SLC30A9: variants seen among roughly 807,000 people sequenced by gnomAD.
SLC30A9 encodes solute carrier family 30 member 9, also known as proton-coupled zinc antiporter SLC30A9, mitochondrial.
SLC30A9 carries 58 observed loss-of-function variants against 87.5 expected under a neutral mutation model. The ratio of observed to expected loss-of-function variants is 0.66; its 90% confidence interval spans 0.54 to 0.82. The LOEUF is 0.82. Ranked by LOEUF, SLC30A9 falls within the 40% of genes least tolerant of loss-of-function variation. The pLI is 0.00. For synonymous variants in SLC30A9, 234 were observed against 233.0 expected, an observed-to-expected ratio of 1.00 and a Z score of -0.04; for missense variants, 557 against 679.1, an observed-to-expected ratio of 0.82 and a Z score of 2.00.
intron 9 of SLC30A9, among the ~76,000 whole-genome samples, chr4:42,054,817 T>C (rs1717536953): frequency 6.6e-6 from 1 of 152,014 alleles, no homozygotes. Flanking sequence ...TAGTATCGAT[T>C]TTTAAAAGTC....
intron 9 of SLC30A9, among the ~76,000 whole-genome samples, chr4:42,057,335 A>G (rs551652780): frequency 2.0e-5 from 3 of 152,340 alleles, no homozygotes; most frequent in Non-Finnish European, 4.4e-5. Context: ...CTGGGCATCC[A>G]GGTGTTTCCC....
intron 2 of SLC30A9, among the ~76,000 whole-genome samples, chr4:42,010,533 A>G (rs1201131439): frequency 5.9e-5 from 9 of 152,196 alleles, no homozygotes; most frequent in South Asian, 4.1e-4. Context: ...TCATTTTCCT[A>G]GTGGTTTTCA....
chr4:42,037,239 C>CTTTTTTTTTTTTTTTTTTTT (rs536795831), intron 7 of SLC30A9, among the ~76,000 whole-genome samples: 2 of 91,220 alleles, frequency 2.2e-5, no homozygotes, highest in African/African-American at 3.7e-5. Flanking sequence ...TAAATGCCTT[C>CTTTTTTTTTTTTTTTTTTTT]TTTTTTTTTT....
intron 8 of SLC30A9, among the ~76,000 whole-genome samples, chr4:42,045,197 G>T (rs1301436345): frequency 6.6e-6 from 1 of 152,032 alleles, no homozygotes; most frequent in African/African-American, 2.4e-5. Flanking sequence ...CAGAAGACAA[G>T]AAATAACTAA....
chr4:42,035,778 G>GAGCCACCGTT (rs56073898), intron 7 of SLC30A9, among the ~76,000 whole-genome samples: 72 of 151,906 alleles, frequency 4.7e-4, no homozygotes, highest in Admixed American at 2.8e-3. Flanking sequence ...TTACAAGCGT[G>GAGCCACCGTT]CCCGGCCTGA....
chr4:42,050,586 G>T (rs1717344523), intron 9 of SLC30A9, among the ~76,000 whole-genome samples: 1 of 152,170 alleles, frequency 6.6e-6, no homozygotes, highest in Non-Finnish European at 1.5e-5. Context: ...AGATATCTGT[G>T]TACTGACCTG....
At position 42,063,145 on chromosome 4, in the gene SLC30A9, G is replaced by A. The variant is rs113010395; in HGVS notation, c.1032+24G>A. On this transcript the variant is annotated intron_variant, in intron 11 of 17. Transcript: ENST00000264451. ...GGGTAATCCTCTTTTTTTCTCCTCA[G>A]TTTTGATGTCTTATGACATAGTGAT... 352 of 1,609,370 alleles carry A rather than the reference G, an allele frequency of 2.2e-4. 1 individual carries two copies. In the African/African-American group the frequency reaches 4.2e-3, roughly 19 times the overall value.
chr4:41,992,573 A>C (rs1714499403), intron 1 of SLC30A9, among the ~76,000 whole-genome samples: 2 of 152,208 alleles, frequency 1.3e-5, no homozygotes, highest in African/African-American at 4.8e-5. Context: ...CATTATGTTG[A>C]AAATTATGTA....
In SLC30A9 at chr4:42,067,094, G is replaced by A. The variant is rs1718109280; in HGVS notation, c.1154G>A (p.Ser385Asn). 2 of 1,607,806 alleles carry A rather than the reference G, an allele frequency of 1.2e-6. No individual in the cohort carries two copies. The highest frequency in any genetic ancestry group is 1.7e-5 in the Admixed American group (1 of 59,914). Reference sequence around the variant, plus strand: ...CTTCCCCAATGACTAGTAATGGAAAGTCGTGATCCTAGTACAAATGTGATA... The same window carrying A: ...CTTCCCCAATGACTAGTAATGGAAAATCGTGATCCTAGTACAAATGTGATA... ...GMSFYKYVMESRDPSTNVILL... is the reference protein window; with the variant it reads ...GMSFYKYVMENRDPSTNVILL... The change falls in exon 14 of 18, where the codon AGT (serine) becomes AAT (asparagine). Residue 385 changes from serine (S) to asparagine (N), a missense_variant. Ser to Asn is a conservative substitution (Grantham distance 46). Around this residue, in one of 2 missense-constraint regions of SLC30A9, gnomAD observed 467 missense variants for 529.8 expected, o/e 0.88. Coordinates refer to ENST00000264451, the MANE Select transcript of SLC30A9 (RefSeq NM_006345.4).
intron 8 of SLC30A9, among the ~76,000 whole-genome samples, chr4:42,039,503 G>A (rs1322949531): frequency 2.8e-5 from 4 of 144,928 alleles, no homozygotes; most frequent in East Asian, 4.0e-4. Flanking sequence ...TTGCTCTGTC[G>A]CCAGGCTGGA....
Position 42,049,449 on chromosome 4 carries a change from T to C in SLC30A9, c.810T>C (p.Ala270=). 6.2e-7 allele frequency: 1 copy of C among 1,605,458 alleles called. No individual in the cohort carries two copies. The highest frequency in any genetic ancestry group is 8.5e-7 in the Non-Finnish European group (1 of 1,174,314). ...GTTCAGCAAGTATGTTCTCAGAAGC[T>C]ATACACTCATTATCTGATACTTGTA... ...YTGSASMFSE[A]IHSLSDTCNQ... is the part of the protein sequence containing the mutation. The change falls in exon 9 of 18, where the codon GCT becomes GCC. Residue 270 remains alanine, a synonymous_variant. Transcript: ENST00000264451.
intron 1 of SLC30A9, among the ~76,000 whole-genome samples, chr4:41,994,193 A>T (rs1467350908): frequency 6.6e-6 from 1 of 152,062 alleles, no homozygotes; most frequent in African/African-American, 2.4e-5. Flanking sequence ...AAGAATAGTG[A>T]CATGGAAAAT....
At chr4:42,023,450 A>T (rs1716059554) in intron 6 of SLC30A9, 66 bp downstream of exon 6, 2 of 1,045,706 alleles carry the variant, frequency 1.9e-6, no homozygotes, top group Non-Finnish European at 3.0e-6. Flanking sequence ...CTGTATCTGT[A>T]AGAACTCTCT....
At chr4:41,993,972 CA>C (rs1714575099) in intron 1 of SLC30A9, among the ~76,000 whole-genome samples, 1 of 152,090 alleles carries the variant, frequency 6.6e-6, no homozygotes, top group Non-Finnish European at 1.5e-5. Flanking sequence ...GCCTGGCCAA[CA>C]TGGTGAAACC....
At chr4:42,067,219 T>C in intron 14 of SLC30A9, 27 bp downstream of exon 14, 1 of 1,317,848 alleles carries the variant, frequency 7.6e-7, no homozygotes, top group Non-Finnish European at 1.1e-6. Context: ...TTACAGGTGA[T>C]TTATTTGTCC....
At chr4:42,022,297 G>A (rs149070849) in intron 4 of SLC30A9, among the ~76,000 whole-genome samples, 106 of 136,258 alleles carry the variant, frequency 7.8e-4, no homozygotes, top group Middle Eastern at 4.5e-3. Flanking sequence ...GCGTGATCTT[G>A]GCTCACTGTA....
chr4:41,996,289 T>A (rs1714702273), intron 1 of SLC30A9, among the ~76,000 whole-genome samples: 1 of 150,980 alleles, frequency 6.6e-6, no homozygotes, highest in African/African-American at 2.4e-5. Flanking sequence ...AGAGATGGGG[T>A]TTTTCCATGT....
chr4:42,017,925 A>C (rs1285759029), intron 2 of SLC30A9, among the ~76,000 whole-genome samples, 186 bp from the exon 3 acceptor site: 1 of 152,130 alleles, frequency 6.6e-6, no homozygotes, highest in Non-Finnish European at 1.5e-5. Flanking sequence ...TCTCTTCTTT[A>C]ATCTGTTAAT....
Position 42,090,325 on chromosome 4 carries a change from G to T in SLC30A9, c.*4199G>T, listed in dbSNP as rs1719050103. 6.6e-6 allele frequency: 1 copy of T among 152,070 alleles called. No homozygotes were observed. Among genetic ancestry groups the T allele is most frequent in the Non-Finnish European group, 1.5e-5 (1 of 68,010 alleles). 9.4% of individuals were successfully genotyped at this position (152,070 alleles called of 1,614,324 possible). The stretch of plus-strand genomic sequence containing the variant: ...TAAGTTTACTTGCATCCTTAGACTT[G>T]GCTTTATGCAAAAAGAAAATTTTTA... On this transcript the variant is annotated 3_prime_UTR_variant, in exon 18 of 18. Transcript: ENST00000264451.
Sources: gnomAD v4.1 joint callset for allele counts (sites outside exome capture counted in the v4.1 genomes callset) on GRCh38, gnomAD v4.1.1 for gene constraint, gnomAD v4.1.1 regional missense constraint, MANE v1.5 for transcripts, NCBI Gene and HGNC (gene_info 2026-07-23, HGNC 2026-07-21) for gene names.